Variants in ZFP36L1 observed in about 807,000 individuals in gnomAD.
The protein encoded by ZFP36L1 is mRNA decay activator protein ZFP36L1.
In ZFP36L1, 4 loss-of-function variants were observed where a neutral mutation model predicts 16.7. That is an observed-to-expected ratio of 0.24 (90% confidence interval 0.12 to 0.55). The LOEUF is 0.55. ZFP36L1 is among the 20% of genes least tolerant of loss of function. ZFP36L1 has a pLI of 0.94. For synonymous variants in ZFP36L1, 220 were observed against 190.8 expected, an observed-to-expected ratio of 1.15 and a Z score of -1.26; for missense variants, 311 against 449.2, an observed-to-expected ratio of 0.69 and a Z score of 2.78.
At chr14:68,792,646 C>T (rs113644667) in intron 1 of ZFP36L1, among the ~76,000 whole-genome samples, 125 of 152,242 alleles carry the variant, frequency 8.2e-4, no homozygotes, top group African/African-American at 3.0e-3. Context: ...AAACTTCGCC[C>T]CTCAAAACCC....
chr14:68,795,686 C>A (rs1049386513), upstream of ZFP36L1: 1 of 472,140 alleles, frequency 2.1e-6, no homozygotes, highest in Non-Finnish European at 4.4e-6. Context: ...ACTGGCCTAG[C>A]CCGCTCGCTC....
chr14:68,788,634 ATTT>A lies in ZFP36L1; in HGVS notation c.*896_*898del, dbSNP rs971331155. ...TTTCTCTCATTTTTTTTTTGTTGTT[ATTT>A]TTTTTAAAAAGATGTCACATATGAA... On this transcript the variant is annotated 3_prime_UTR_variant, in exon 2 of 2. Transcript: ENST00000439696. 1 of 135,214 alleles carries A rather than the reference ATTT, an allele frequency of 7.4e-6. No homozygotes were observed. The highest frequency in any genetic ancestry group is 2.8e-5 in the African/African-American group (1 of 35,708). The allele number at this position is 135,214 out of a possible 1,614,324, so 8.4% of individuals were successfully genotyped here. A position where few individuals can be genotyped will look rare whatever the true frequency, so the allele number is the denominator to read the frequency against.
upstream of ZFP36L1, among the ~76,000 whole-genome samples, chr14:68,795,443 C>T (rs2140215397): frequency 6.6e-6 from 1 of 152,340 alleles, no homozygotes; most frequent in Admixed American, 6.5e-5. Flanking sequence ...GCGGGGCCCC[C>T]TTCCCGGCCC....
At position 68,789,443 on chromosome 14, in the gene ZFP36L1, T is replaced by A. The variant is rs559653143; in HGVS notation, c.*90A>T. 546 of 1,572,618 alleles carry A rather than the reference T, an allele frequency of 3.5e-4. 5 individuals carry two copies. The highest frequency in any genetic ancestry group is 1.1e-4 in the Non-Finnish European group (130 of 1,154,904). ...CTTAACCTTGTTAATGTAGGGCCTGTGGGGAATGGGATGGGTAGGGAGAAG... is the reference window on the plus strand; with the variant it reads ...CTTAACCTTGTTAATGTAGGGCCTGAGGGGAATGGGATGGGTAGGGAGAAG... On this transcript the variant is annotated 3_prime_UTR_variant, in exon 2 of 2. Transcript: ENST00000439696. This position sits in a 1 kb window ranked among gnomAD's most constrained non-coding sequence, Gnocchi z 4.5.
At chr14:68,795,982 C>T (rs777208848), upstream of ZFP36L1, 56 of 1,322,590 alleles carry the variant, frequency 4.2e-5, no homozygotes, top group Non-Finnish European at 5.4e-5. Flanking sequence ...AAGGCCGAGG[C>T]GAGGCGTGCG....
At chr14:68,794,073 G>A (rs1433238859), upstream of ZFP36L1, 1 of 447,396 alleles carries the variant, frequency 2.2e-6, no homozygotes, top group South Asian at 9.3e-5. Flanking sequence ...CTTCCTCCCA[G>A]AAAAAGCCCA....
upstream of ZFP36L1, chr14:68,793,372 C>A: frequency 1.0e-6 from 1 of 1,004,432 alleles, no homozygotes; most frequent in East Asian, 1.0e-4. Flanking sequence ...CTTCCCTACC[C>A]GGCGCTTCAG....
At chr14:68,791,471 A>T (rs1417992601) in intron 1 of ZFP36L1, among the ~76,000 whole-genome samples, 1 of 152,244 alleles carries the variant, frequency 6.6e-6, no homozygotes. Flanking sequence ...GAAATGGTGC[A>T]GGTCAGGGAC....
upstream of ZFP36L1, chr14:68,793,649 C>T: frequency 1.0e-6 from 1 of 985,610 alleles, no homozygotes. Context: ...GCACAACTTA[C>T]CTTTTCCCGA....
chr14:68,793,591 G>C (rs530640517), upstream of ZFP36L1: 11 of 985,912 alleles, frequency 1.1e-5, no homozygotes, highest in Non-Finnish European at 1.3e-5. Context: ...CCCGGGCCGC[G>C]GTTTCCATCT....
rs866606872 is a variant in ZFP36L1 at position 68,789,176 on chromosome 14, T to C, written c.*357A>G. 1 of 240,232 alleles carries C rather than the reference T, an allele frequency of 4.2e-6. No homozygotes were observed. Among genetic ancestry groups the C allele is most frequent in the Admixed American group, 5.1e-5 (1 of 19,604 alleles). The allele number at this position is 240,232 out of a possible 1,614,324, so 14.9% of individuals were successfully genotyped here. On this transcript the variant is annotated 3_prime_UTR_variant, in exon 2 of 2. Coordinates refer to ENST00000439696, the MANE Select transcript of ZFP36L1 (RefSeq NM_004926.4). The surrounding 1 kb of genome is among the most constrained non-coding windows in gnomAD (Gnocchi z 4.5). ...AGATTACAAGGCACTAAGTTGCTTC[T>C]GTAAACTGTTACTGCTTTTTCTCTT...
intron 1 of ZFP36L1, among the ~76,000 whole-genome samples, chr14:68,791,881 C>G (rs2140210956): frequency 6.6e-6 from 1 of 152,280 alleles, no homozygotes; most frequent in African/African-American, 2.4e-5. Context: ...GCTGCACCAA[C>G]AGGAGCAGCA....
upstream of ZFP36L1, chr14:68,795,986 G>C (rs1566562473): frequency 9.8e-6 from 13 of 1,322,252 alleles, no homozygotes; most frequent in Non-Finnish European, 1.2e-5. Flanking sequence ...CCGAGGCGAG[G>C]CGTGCGTGGC....
upstream of ZFP36L1, chr14:68,796,214 G>A (rs763397739): frequency 2.2e-6 from 3 of 1,366,662 alleles, no homozygotes; most frequent in African/African-American, 3.0e-5. Flanking sequence ...AGGTGGTGGT[G>A]GGGTGGGATG....
upstream of ZFP36L1, among the ~76,000 whole-genome samples, chr14:68,795,479 C>G: frequency 6.6e-6 from 1 of 152,236 alleles, no homozygotes; most frequent in East Asian, 1.9e-4. Flanking sequence ...GGGGCACCGG[C>G]TATGCCCCTG....
chr14:68,793,227 G>C (rs1043033972), upstream of ZFP36L1: 3 of 869,886 alleles, frequency 3.4e-6, no homozygotes, highest in African/African-American at 5.7e-5. Context: ...GGGGGCAGGG[G>C]GAGGAGAAGA....
At chr14:68,790,951 C>A (rs753041788) in intron 1 of ZFP36L1, 2 of 657,264 alleles carry the variant, frequency 3.0e-6, no homozygotes, top group African/African-American at 3.7e-5. Flanking sequence ...TCCAATCAGT[C>A]TCTGCTTAAT....
rs1566561275 is a variant in ZFP36L1 at position 68,793,026 on chromosome 14, T to C, written c.-88A>G. 4 of 1,604,480 alleles carry C rather than the reference T, an allele frequency of 2.5e-6. No homozygotes were observed. Among genetic ancestry groups the C allele is most frequent in the Middle Eastern group, 1.7e-4 (1 of 5,938 alleles). On this transcript the variant is annotated 5_prime_UTR_variant, in exon 1 of 2. Coordinates refer to ENST00000439696, the MANE Select transcript of ZFP36L1 (RefSeq NM_004926.4). ...AAGGCGCAGCCTCTCCTGTCTGGAG[T>C]CCCACACGCCAGTTCCCGGCGCCCC...
upstream of ZFP36L1, chr14:68,793,401 C>T (rs996721164): frequency 6.0e-6 from 6 of 998,900 alleles, no homozygotes; most frequent in Admixed American, 5.5e-5. Context: ...TCTCCGGGGC[C>T]GCGCGGGCGC....
Sources: allele counts gnomAD v4.1 joint callset (sites outside exome capture counted in the v4.1 genomes callset), GRCh38; gene constraint gnomAD v4.1.1; non-coding constraint Gnocchi (gnomAD v3.1); transcripts MANE v1.5; gene names NCBI Gene and HGNC (gene_info 2026-07-23, HGNC 2026-07-21).